Variants in ERN2 observed in about 807,000 individuals in gnomAD.
ERN2 encodes serine/threonine-protein kinase/endoribonuclease IRE2.
A neutral mutation model predicts 107.9 loss-of-function variants in ERN2; 111 were observed. That is an observed-to-expected ratio of 1.03 (90% CI 0.88 to 1.20). The LOEUF (loss-of-function observed/expected upper bound fraction) is 1.20, where lower values mean the gene tolerates loss of function less well. Ranked by LOEUF, ERN2 falls within the 50% of genes most tolerant of loss-of-function variation. ERN2 has a pLI of 0.00. For synonymous variants in ERN2, 524 were observed against 501.7 expected, an observed-to-expected ratio of 1.04 and a Z score of -0.59; for missense variants, 1,225 against 1,197.9, an observed-to-expected ratio of 1.02 and a Z score of -0.33.
At chr16:23,694,981 T>C (rs1959744091) in intron 16 of ERN2, 38 bp downstream of exon 16, 2 of 1,613,140 alleles carry the variant, frequency 1.2e-6, no homozygotes, top group African/African-American at 1.3e-5. Context: ...AGGCAGGGGC[T>C]AAGGACAGGG....
chr16:23,695,733 A>C (rs1428179492), intron 14 of ERN2, among the ~76,000 whole-genome samples, 161 bp downstream of exon 14: 2 of 151,108 alleles, frequency 1.3e-5, no homozygotes, highest in Non-Finnish European at 3.0e-5. Flanking sequence ...AAAAAAAAAA[A>C]AAAAAAAAAA....
chr16:23,695,535 G>A, intron 14 of ERN2, 146 bp from the exon 15 acceptor site: 1 of 678,284 alleles, frequency 1.5e-6, no homozygotes, highest in Non-Finnish European at 2.5e-6. Flanking sequence ...AGACCAGCCT[G>A]GCCAACATGG....
rs543519982 is a variant in ERN2 at position 23,708,647 on chromosome 16, C to G, written c.306+1525G>C. The stretch of plus-strand genomic sequence containing the variant: ...TGCTGGGATTACAGGCATAAGCCAC[C>G]GTGCCCAGCCAGTGCTGTTCTTGTA... On this transcript the variant is annotated intron_variant, in intron 4 of 21. Transcript: ENST00000256797. 1.2e-4 allele frequency among the ~76,000 whole-genome samples: 19 copies of G among 152,242 alleles called. 1 individual carries two copies. The East Asian group carries it at 2.1e-3, about 17-fold the overall frequency.
At chr16:23,694,526 C>T (rs1567244001) in intron 17 of ERN2, among the ~76,000 whole-genome samples, 1 of 152,204 alleles carries the variant, frequency 6.6e-6, no homozygotes, top group Non-Finnish European at 1.5e-5. Flanking sequence ...TGCCTAATGT[C>T]CCCTGGGTGG....
Position 23,694,749 on chromosome 16 carries a change from C to G in ERN2, c.2079G>C (p.Gln693His), listed in dbSNP as rs769776859. 6.2e-7 allele frequency: 1 copy of G among 1,608,584 alleles called. No homozygotes were observed. The highest frequency in any genetic ancestry group is 8.5e-7 in the Non-Finnish European group (1 of 1,178,536). Residue 693 changes from glutamine to histidine, a missense_variant, in exon 17 of 22, where the codon CAG (glutamine) becomes CAC (histidine). Coordinates refer to ENST00000256797, the MANE Select transcript of ERN2 (RefSeq NM_033266.4). ...TEGWMAPELL[Q>H]LLPPDSPTSA... ...TCACAGGACTGTCTGGTGGCAGGAG[C>G]TGCAGAAGCTCGGGCGCCATCCAGC...
In ERN2 at chr16:23,700,946, G is replaced by A; in HGVS notation, c.1359+13C>T. On this transcript the variant is annotated intron_variant, in intron 12 of 21. Coordinates refer to ENST00000256797, the MANE Select transcript of ERN2 (RefSeq NM_033266.4). ...CTCCCCAGATAGACCTGAGGTCAGG[G>A]CGGTGGGCCTACCTGCCTCATCACA... 6.2e-7 allele frequency: 1 copy of A among 1,612,784 alleles called. No individual in the cohort carries two copies. The highest frequency in any genetic ancestry group is 1.3e-5 in the African/African-American group (1 of 75,006).
Position 23,706,876 on chromosome 16 carries a change from AGT to A in ERN2, c.380-17_380-16del, listed in dbSNP as rs776090931. The A allele has an allele frequency of 2.7e-5, 43 of 1,606,744 alleles. 1 individual carries two copies. In the Middle Eastern group the frequency reaches 2.8e-3, roughly 106 times the overall value. ...CTGCTTCCGGCCTGTGGAGGTGGAA[AGT>A]GTGTTAGCTCTCAAGTTGGCATGGG... On this transcript the variant is annotated splice_polypyrimidine_tract_variant and intron_variant, in intron 5 of 21. Transcript: ENST00000256797.
In ERN2 at chr16:23,711,137, G is replaced by A. The variant is rs1960525034; in HGVS notation, c.94-119C>T. 1.8e-5 allele frequency: 12 copies of A among 659,186 alleles called. No homozygotes were observed. The South Asian group carries it at 2.1e-4, about 12-fold the overall frequency. 40.8% of individuals were successfully genotyped at this position (659,186 alleles called of 1,614,324 possible). On this transcript the variant is annotated intron_variant, in intron 1 of 21. Coordinates refer to ENST00000256797, the MANE Select transcript of ERN2 (RefSeq NM_033266.4). ...CCCAGATGGGGATGCAGCAGGGGAG[G>A]AAGGGTGATTGGGGAACGTGCTGGT...
chr16:23,707,694 T>C (rs1294130817), intron 4 of ERN2, among the ~76,000 whole-genome samples: 3 of 152,002 alleles, frequency 2.0e-5, no homozygotes, highest in African/African-American at 4.8e-5. Context: ...GCCGAGGCAA[T>C]AGAGTGAGAC....
In ERN2 at chr16:23,694,721, G is replaced by C; in HGVS notation, c.2100+7C>G. The C allele has an allele frequency of 6.3e-7, 1 of 1,594,712 alleles. No individual in the cohort carries two copies. The highest frequency in any genetic ancestry group is 8.5e-7 in the Non-Finnish European group (1 of 1,172,342). On this transcript the variant is annotated splice_region_variant and intron_variant, in intron 17 of 21. Transcript: ENST00000256797. Reference sequence around the variant, plus strand: ...GTGTGCCTGGAGGACTTGGTGGATAGACTCACAGGACTGTCTGGTGGCAGG... The same window carrying C: ...GTGTGCCTGGAGGACTTGGTGGATACACTCACAGGACTGTCTGGTGGCAGG...
Position 23,690,612 on chromosome 16 carries a change from G to A in ERN2, c.*219C>T. Reference sequence around the variant, plus strand: ...TGGGACTACAGGCGTGCGCCACCATGCCTGGCTAATTTTACAAATTTTTTG... The same window carrying A: ...TGGGACTACAGGCGTGCGCCACCATACCTGGCTAATTTTACAAATTTTTTG... On this transcript the variant is annotated 3_prime_UTR_variant, in exon 22 of 22. Coordinates refer to ENST00000256797, the MANE Select transcript of ERN2 (RefSeq NM_033266.4). 1.7e-6 allele frequency: 1 copy of A among 573,040 alleles called. No homozygotes were observed. Among genetic ancestry groups the A allele is most frequent in the Non-Finnish European group, 3.1e-6 (1 of 320,222 alleles). The allele number at this position is 573,040 out of a possible 1,614,324, so 35.5% of individuals were successfully genotyped here.
rs555806662 is a variant in ERN2 at position 23,690,472 on chromosome 16, G to C, written c.*359C>G. 2.2e-6 allele frequency: 1 copy of C among 458,798 alleles called. No homozygotes were observed. Among genetic ancestry groups the C allele is most frequent in the East Asian group, 4.0e-5 (1 of 25,242 alleles). The allele number at this position is 458,798 out of a possible 1,614,324, so 28.4% of individuals were successfully genotyped here. ...CCTCTGCCAGTCTTGTGGGGGAAAG[G>C]GGGTGACAGTGTCTCTCTGTGGACC... On this transcript the variant is annotated 3_prime_UTR_variant, in exon 22 of 22. Coordinates refer to ENST00000256797, the MANE Select transcript of ERN2 (RefSeq NM_033266.4).
intron 13 of ERN2, among the ~76,000 whole-genome samples, chr16:23,699,644 C>T (rs1352768919): frequency 1.3e-5 from 2 of 152,100 alleles, no homozygotes; most frequent in South Asian, 2.1e-4. Flanking sequence ...AGGCTGGTCT[C>T]GAACTCCTGG....
At chr16:23,709,687 A>C in intron 4 of ERN2, 1 of 178,502 alleles carries the variant, frequency 5.6e-6, no homozygotes, top group East Asian at 1.5e-4. Flanking sequence ...CCAACCAACT[A>C]CCAACCAACT....
At chr16:23,707,228 A>G (rs189164751) in intron 4 of ERN2, 149 bp from the exon 5 acceptor site, 218 of 660,750 alleles carry the variant, frequency 3.3e-4, no homozygotes, top group Non-Finnish European at 5.6e-4. Flanking sequence ...TGGAGAGGCC[A>G]TGTAACTTGG....
Position 23,704,903 on chromosome 16 carries a change from A to G in ERN2, c.834T>C (p.Ser278=). 6.2e-7 allele frequency: 1 copy of G among 1,611,490 alleles called. No homozygotes were observed. Among genetic ancestry groups the G allele is most frequent in the East Asian group, 2.2e-5 (1 of 44,860 alleles). ...SGPRDTATLF[S]TLDTQLLMTL... is the part of the protein sequence containing the mutation. Reference sequence around the variant, plus strand: ...CCTACAGCAGCTGGGTGTCCAAGGTAGAGAAGAGGGTGGCTGTGTCCCGGG... The same window carrying G: ...CCTACAGCAGCTGGGTGTCCAAGGTGGAGAAGAGGGTGGCTGTGTCCCGGG... The change falls in exon 8 of 22, where the codon TCT becomes TCC. Residue 278 remains serine, a synonymous_variant. Transcript: ENST00000256797.
Position 23,694,890 on chromosome 16 carries a change from G to A in ERN2, c.1938C>T (p.Thr646=), listed in dbSNP as rs776530679. 13 of 1,614,208 alleles carry A rather than the reference G, an allele frequency of 8.1e-6. No homozygotes were observed. The South Asian group carries it at 8.8e-5, about 11-fold the overall frequency. ...TGCCCAGGCCCTGGCTGTCAGGCCC[G>A]GTGATGAGAATATTTCCTGGCTTCA... The part of the protein sequence containing the change: ...RDLKPGNILI[T]GPDSQGLGRV... Residue 646 remains threonine, a synonymous_variant, in exon 17 of 22, where the codon ACC becomes ACT. Coordinates refer to ENST00000256797, the MANE Select transcript of ERN2 (RefSeq NM_033266.4).
chr16:23,698,257 C>T (rs1232520496), intron 13 of ERN2, among the ~76,000 whole-genome samples: 1 of 152,168 alleles, frequency 6.6e-6, no homozygotes, highest in Non-Finnish European at 1.5e-5. Context: ...CCTGAGCTGC[C>T]ACTTATTAGC....
intron 17 of ERN2, among the ~76,000 whole-genome samples, chr16:23,692,876 T>C (rs1174617950): frequency 6.6e-6 from 1 of 152,052 alleles, no homozygotes; most frequent in Non-Finnish European, 1.5e-5. Context: ...TGTGCCACCA[T>C]GCCTGACCAA....
Sources: allele counts gnomAD v4.1 joint callset (sites outside exome capture counted in the v4.1 genomes callset), GRCh38; gene constraint gnomAD v4.1.1; transcripts MANE v1.5; gene names NCBI Gene and HGNC (gene_info 2026-07-23, HGNC 2026-07-21).